NCKAP1: variants seen among roughly 807,000 people sequenced by gnomAD.
The protein encoded by NCKAP1 is nck-associated protein 1.
Under a neutral mutation model 151.2 loss-of-function variants are expected in NCKAP1, and 21 were observed. That is an observed-to-expected ratio of 0.14 (90% CI 0.10 to 0.20). The LOEUF (loss-of-function observed/expected upper bound fraction) is 0.20. Among genes scored for constraint, NCKAP1 ranks in the 10% least tolerant of loss-of-function variants. NCKAP1 has a pLI of 1.00. For synonymous variants in NCKAP1, 484 were observed against 451.8 expected (o/e 1.07, Z -0.90); for missense variants, 933 against 1,352.1 (o/e 0.69, Z 4.86).
chr2:182,993,734 T>TAA (rs151270583), intron 8 of NCKAP1, among the ~76,000 whole-genome samples: 1 of 151,484 alleles, frequency 6.6e-6, no homozygotes, highest in African/African-American at 2.4e-5. Context: ...AAGGTTGGGA[T>TAA]AAAAAAAACG....
At chr2:182,950,538 C>G (rs970008376) in intron 23 of NCKAP1, among the ~76,000 whole-genome samples, 19 of 151,968 alleles carry the variant, frequency 1.3e-4, no homozygotes, top group Non-Finnish European at 1.5e-5. Context: ...TTGTAAAGAA[C>G]CAAGACCAGC....
chr2:182,974,714 G>T (rs1054798445), intron 15 of NCKAP1, among the ~76,000 whole-genome samples: 1 of 151,948 alleles, frequency 6.6e-6, no homozygotes. Flanking sequence ...CTTTCAGACT[G>T]CCAGCCTTCA....
At position 183,020,475 on chromosome 2, in the gene NCKAP1, AAAAAAG is replaced by A. The variant is rs1168710576; in HGVS notation, c.219+3325_219+3330del. ...GCAGGACCGTGTCCCAAAAAAAAAA[AAAAAAG>A]AAAAAAAAGAAAAAAAAATTTATTG... is the stretch of plus-strand genomic sequence containing the variant. On this transcript the variant is annotated intron_variant, in intron 2 of 30. Coordinates refer to ENST00000361354, the MANE Select transcript of NCKAP1 (RefSeq NM_013436.5). 3.2e-3 allele frequency among the ~76,000 whole-genome samples: 471 copies of A among 145,762 alleles called. 8 individuals are homozygous for A. Among genetic ancestry groups the A allele is most frequent in the African/African-American group, 0.012 (447 of 37,714 alleles).
At chr2:183,010,587 T>G (rs1314081744) in intron 2 of NCKAP1, among the ~76,000 whole-genome samples, 1 of 152,232 alleles carries the variant, frequency 6.6e-6, no homozygotes, top group Non-Finnish European at 1.5e-5. Context: ...CAATATAGAT[T>G]AAAATAATTT....
At chr2:182,985,819 G>T (rs1199108797) in intron 10 of NCKAP1, among the ~76,000 whole-genome samples, 1 of 145,760 alleles carries the variant, frequency 6.9e-6, no homozygotes, top group Admixed American at 6.9e-5. Flanking sequence ...AAAAAAAAAA[G>T]TAAATATTAT....
chr2:182,981,159 T>C lies in NCKAP1; in HGVS notation c.1341+85A>G, dbSNP rs1374336815. The C allele has an allele frequency of 1.5e-5, 22 of 1,483,336 alleles. No individual in the cohort carries two copies. The South Asian group carries it at 2.6e-4, about 18-fold the overall frequency. 91.9% of individuals were successfully genotyped at this position (1,483,336 alleles called of 1,614,324 possible). The stretch of plus-strand genomic sequence containing the variant: ...TTATCACTTGGCACATGATATTTCA[T>C]AAATGCTTGTTGAACAAACAAATAA... On this transcript the variant is annotated intron_variant, in intron 13 of 30. Transcript: ENST00000361354.
rs377238660 is a variant in NCKAP1 at position 182,979,787 on chromosome 2, T to C, written c.1342-872A>G. On this transcript the variant is annotated intron_variant, in intron 13 of 30. Coordinates refer to ENST00000361354, the MANE Select transcript of NCKAP1 (RefSeq NM_013436.5). ...GGAGTCAAAACTTGAGTTTGACTAC[T>C]GGCTTTATTACTTATGAGCTGTATT... Among the ~76,000 whole-genome samples the C allele has an allele frequency of 3.3e-5, 5 of 152,218 alleles. No homozygotes were observed. In the East Asian group the frequency reaches 9.6e-4, roughly 29 times the overall value.
Position 182,919,467 on chromosome 2 carries a change from C to T in NCKAP1, c.*6235G>A, listed in dbSNP as rs1696516420. On this transcript the variant is annotated 3_prime_UTR_variant, in exon 31 of 31. Transcript: ENST00000361354. ...ATGCAATCAATGACCATGTGACTAA[C>T]GTAAGTTATGGTCATACCTAATTAG... 6.6e-6 allele frequency: 1 copy of T among 152,096 alleles called. No individual in the cohort carries two copies. Among genetic ancestry groups the T allele is most frequent in the African/African-American group, 2.4e-5 (1 of 41,408 alleles). 9.4% of individuals were successfully genotyped at this position (152,096 alleles called of 1,614,324 possible).
At chr2:182,980,590 T>A (rs1173724346) in intron 13 of NCKAP1, among the ~76,000 whole-genome samples, 2 of 151,876 alleles carry the variant, frequency 1.3e-5, no homozygotes, top group East Asian at 3.9e-4. Context: ...AAATATTGAA[T>A]AAATAAATTA....
rs923672888 is a variant in NCKAP1, at chr2:182,951,840, C to T, written c.2601+565G>A. Among the ~76,000 whole-genome samples, 13 of 151,840 alleles carry T rather than the reference C, an allele frequency of 8.6e-5. No homozygotes were observed. In the South Asian group the frequency reaches 1.2e-3, roughly 15 times the overall value. On this transcript the variant is annotated intron_variant, in intron 23 of 30. Coordinates refer to ENST00000361354, the MANE Select transcript of NCKAP1 (RefSeq NM_013436.5). ...TACAGATTCGTTTAATATAAATCAC[C>T]GTAGCTGTAGGATATTTCTAAAAGG...
In NCKAP1 at chr2:182,923,679, T is replaced by A. The variant is rs1371865502; in HGVS notation, c.*2023A>T. ...GCAGATTACAGGCCAGTATGTATGG[T>A]ATGATCACATTAATGTAGAGAAAAC... On this transcript the variant is annotated 3_prime_UTR_variant, in exon 31 of 31. Coordinates refer to ENST00000361354, the MANE Select transcript of NCKAP1 (RefSeq NM_013436.5). 3 of 152,234 alleles carry A rather than the reference T, an allele frequency of 2.0e-5. No homozygotes were observed. The highest frequency in any genetic ancestry group is 4.4e-5 in the Non-Finnish European group (3 of 68,038). The allele number at this position is 152,234 out of a possible 1,614,324, so 9.4% of individuals were successfully genotyped here.
At chr2:182,986,319 C>A in intron 9 of NCKAP1, 92 bp from the exon 10 acceptor site, 1 of 1,090,420 alleles carries the variant, frequency 9.2e-7, no homozygotes, top group Non-Finnish European at 1.4e-6. Context: ...TTAAAAATGA[C>A]ATTATCAATT....
chr2:183,020,464 CAAAAAA>C (rs1179083096), intron 2 of NCKAP1, among the ~76,000 whole-genome samples: 6 of 71,584 alleles, frequency 8.4e-5, no homozygotes, highest in African/African-American at 3.1e-4. Flanking sequence ...GACCGTGTCC[CAAAAAA>C]AAAAAAAAAA....
At chr2:182,947,322 TA>T (rs1575023005) in intron 23 of NCKAP1, among the ~76,000 whole-genome samples, 1 of 152,312 alleles carries the variant, frequency 6.6e-6, no homozygotes, top group East Asian at 1.9e-4. Flanking sequence ...AGTGTCTATG[TA>T]AAGAGGGCTG....
chr2:182,999,834 A>G (rs1698344305), intron 6 of NCKAP1, among the ~76,000 whole-genome samples: 2 of 152,200 alleles, frequency 1.3e-5, no homozygotes, highest in Admixed American at 6.5e-5. Context: ...AAAAGGAACA[A>G]AATCATGTCT....
intron 18 of NCKAP1, among the ~76,000 whole-genome samples, chr2:182,958,689 CCT>C (rs1559082063): frequency 6.6e-6 from 1 of 152,098 alleles, no homozygotes; most frequent in Non-Finnish European, 1.5e-5. Context: ...GAGGTTTCTA[CCT>C]AACACATTGT....
chr2:183,022,578 G>A (rs949855581), intron 2 of NCKAP1, among the ~76,000 whole-genome samples: 2 of 152,120 alleles, frequency 1.3e-5, no homozygotes, highest in Non-Finnish European at 2.9e-5. Context: ...CTTGAGCCCA[G>A]GAGTTCAAGA....
chr2:182,970,034 C>G (rs1173921927), intron 15 of NCKAP1, among the ~76,000 whole-genome samples: 4 of 152,044 alleles, frequency 2.6e-5, no homozygotes, highest in African/African-American at 9.7e-5. Context: ...GAAATGGATA[C>G]ATTCCTAGAC....
At chr2:182,931,826 G>A (rs1696770634) in intron 26 of NCKAP1, among the ~76,000 whole-genome samples, 1 of 152,040 alleles carries the variant, frequency 6.6e-6, no homozygotes, top group Admixed American at 6.6e-5. Flanking sequence ...GCTTTGAATG[G>A]TTATTTCTCC....
Sources: gnomAD v4.1 joint callset for allele counts (sites outside exome capture counted in the v4.1 genomes callset) on GRCh38, gnomAD v4.1.1 for gene constraint, MANE v1.5 for transcripts, NCBI Gene and HGNC (gene_info 2026-07-23, HGNC 2026-07-21) for gene names.